The following HK1 variants were observed in gnomAD, a reference collection of about 807,000 sequenced individuals.
HK1 encodes the protein hexokinase 1.
A neutral mutation model predicts 91.6 loss-of-function variants in HK1; 28 were observed. The observed-to-expected ratio is 0.31, with a 90% CI of 0.23 to 0.42. HK1 has a LOEUF of 0.42. Ranked by LOEUF, HK1 falls within the 10% of genes least tolerant of loss-of-function variation. The pLI is 1.00. For missense variants in HK1, 770 were observed against 1,219.8 expected, an observed-to-expected ratio of 0.63 and a Z score of 5.49; for synonymous variants, 430 against 468.1, an observed-to-expected ratio of 0.92 and a Z score of 1.05.
chr10:69,347,356 A>C (rs1277363952), intron 2 of HK1, among the ~76,000 whole-genome samples: 1 of 151,978 alleles, frequency 6.6e-6, no homozygotes, highest in Non-Finnish European at 1.5e-5. Context: ...AGGGAACAGT[A>C]AATGATTACT....
At chr10:69,322,537 C>T (rs1417090847) in intron 1 of HK1, among the ~76,000 whole-genome samples, 1 of 152,046 alleles carries the variant, frequency 6.6e-6, no homozygotes, top group Non-Finnish European at 1.5e-5. Flanking sequence ...AAAGGGTTGC[C>T]CAAGGTACAT....
At position 69,369,202 on chromosome 10, in the gene HK1, T is replaced by C. The variant is rs374340374; in HGVS notation, c.592-35T>C. ...GGTGTGTGATCTCTGCTCCCATGTG[T>C]GAGTGGACAATGACACCCCGTTATC... On this transcript the variant is annotated intron_variant, in intron 5 of 17. Coordinates refer to ENST00000359426, the MANE Select transcript of HK1 (RefSeq NM_000188.3). The surrounding 1 kb of genome is among the most constrained non-coding windows in gnomAD (Gnocchi z 4.4). 11 of 1,486,558 alleles carry C rather than the reference T, an allele frequency of 7.4e-6. No individual in the cohort carries two copies. The highest frequency in any genetic ancestry group is 9.4e-6 in the Non-Finnish European group (10 of 1,063,846). 92.1% of individuals were successfully genotyped at this position (1,486,558 alleles called of 1,614,324 possible). A position where few individuals can be genotyped will look rare whatever the true frequency, so the allele number is the denominator to read the frequency against.
At chr10:69,382,434 C>T in intron 9 of HK1, 53 bp from the exon 10 acceptor site, 1 of 1,573,598 alleles carries the variant, frequency 6.4e-7, no homozygotes, top group Non-Finnish European at 8.7e-7. Context: ...GCCGGAGGTC[C>T]CCAATAAATG....
At chr10:69,372,493 C>T (rs7921170) in intron 7 of HK1, among the ~76,000 whole-genome samples, 23,169 of 152,142 alleles carry the variant, frequency 0.15, 3,561 homozygotes, top group African/African-American at 0.39. Context: ...AGCCATTTTA[C>T]CCTCTTTGTG....
At chr10:69,311,635 A>G (rs749778486), upstream of HK1, among the ~76,000 whole-genome samples, 110 of 151,964 alleles carry the variant, frequency 7.2e-4, no homozygotes, top group Admixed American at 1.1e-3. Flanking sequence ...TCCAGGATAC[A>G]ATTCTTTCTT....
rs531963459 is a variant in HK1, at chr10:69,325,783, C to T, written c.63+6773C>T. Among the ~76,000 whole-genome samples, 26 of 151,658 alleles carry T rather than the reference C, an allele frequency of 1.7e-4. No homozygotes were observed. In the South Asian group the frequency reaches 4.2e-3, roughly 24 times the overall value. On this transcript the variant is annotated intron_variant, in intron 1 of 17. Transcript: ENST00000359426. ...AACTCCTGACCGCAAGTGATCTGCC[C>T]GCCTTGGCCTCCCGAAATGCTGGGA...
intron 2 of HK1, among the ~76,000 whole-genome samples, chr10:69,345,539 A>C (rs1044599232): frequency 6.6e-6 from 1 of 152,118 alleles, no homozygotes; most frequent in Non-Finnish European, 1.5e-5. Context: ...CTGAGAGAAG[A>C]GGAAGGAGCG....
chr10:69,342,479 G>A (rs1848342093), intron 1 of HK1, among the ~76,000 whole-genome samples: 1 of 152,194 alleles, frequency 6.6e-6, no homozygotes, highest in Non-Finnish European at 1.5e-5. Flanking sequence ...GGGCATTTCA[G>A]GTAGAGGTGA....
At chr10:69,344,095 C>A in intron 2 of HK1, 106 bp downstream of exon 2, 1 of 1,149,242 alleles carries the variant, frequency 8.7e-7, no homozygotes, top group Non-Finnish European at 1.3e-6. Context: ...ATTCACCATT[C>A]CATCAATCTG....
chr10:69,390,822 G>C (rs929903685), intron 14 of HK1, among the ~76,000 whole-genome samples: 2 of 152,182 alleles, frequency 1.3e-5, no homozygotes, highest in Middle Eastern at 3.2e-3. Flanking sequence ...TGCTTCTTAG[G>C]GTCCCCAGGT....
intron 7 of HK1, among the ~76,000 whole-genome samples, chr10:69,374,965 T>C (rs1044915168): frequency 3.3e-5 from 5 of 152,150 alleles, no homozygotes; most frequent in African/African-American, 7.2e-5. Context: ...ACAGCTAACA[T>C]TGAGTGACAC....
intron 1 of HK1, among the ~76,000 whole-genome samples, chr10:69,336,397 G>A (rs1173693106): frequency 1.3e-5 from 2 of 151,842 alleles, no homozygotes; most frequent in Middle Eastern, 3.4e-3. Context: ...CTCCATGTTG[G>A]TCAGGCTGGT....
chr10:69,317,465 C>T (rs566439153), upstream of HK1, among the ~76,000 whole-genome samples: 41 of 152,322 alleles, frequency 2.7e-4, no homozygotes, highest in South Asian at 2.5e-3. Flanking sequence ...CCTGAACCTA[C>T]GTCATCCCTC....
intron 1 of HK1, chr10:69,278,804 T>G (rs2132421083): frequency 6.6e-6 from 1 of 152,288 alleles, no homozygotes; most frequent in East Asian, 1.9e-4. Context: ...AAGTTGTTTT[T>G]TTTTTCCCTT....
At chr10:69,306,262 G>T (rs1415303920) in intron 5 of HK1, among the ~76,000 whole-genome samples, 2 of 152,066 alleles carry the variant, frequency 1.3e-5, no homozygotes, top group Non-Finnish European at 2.9e-5. Context: ...GGAGGCTGAG[G>T]CAGGAGAATG....
intron 1 of HK1, among the ~76,000 whole-genome samples, chr10:69,277,120 G>A (rs148183760): frequency 2.6e-5 from 4 of 152,154 alleles, no homozygotes; most frequent in East Asian, 3.9e-4. Flanking sequence ...TGCTAATTTC[G>A]CTGGATATAA....
At chr10:69,291,138 A>T (rs1479182180) in intron 3 of HK1, among the ~76,000 whole-genome samples, 1 of 152,214 alleles carries the variant, frequency 6.6e-6, no homozygotes. Flanking sequence ...CCCAGGCAGA[A>T]TGCCACCAGG....
intron 2 of HK1, among the ~76,000 whole-genome samples, chr10:69,347,337 G>A (rs1848613152): frequency 6.6e-6 from 1 of 151,922 alleles, no homozygotes. Context: ...CAGAGGGGAG[G>A]CAGGAGACAG....
At chr10:69,283,812 A>AAAG (rs1844886507) in intron 2 of HK1, among the ~76,000 whole-genome samples, 2 of 150,602 alleles carry the variant, frequency 1.3e-5, no homozygotes, top group South Asian at 4.2e-4. Context: ...AAAAAAAAAA[A>AAAG]AAAAAGAAAA....
Sources: gnomAD v4.1 joint callset for allele counts (sites outside exome capture counted in the v4.1 genomes callset) on GRCh38, gnomAD v4.1.1 for gene constraint, Gnocchi (gnomAD v3.1) non-coding constraint, MANE v1.5 for transcripts, NCBI Gene and HGNC (gene_info 2026-07-23, HGNC 2026-07-21) for gene names.